DOK6: variants seen among roughly 807,000 people sequenced by gnomAD.
The protein encoded by DOK6 is downstream of tyrosine kinase 6.
DOK6 carries 22 observed loss-of-function variants against 44.0 expected under a neutral mutation model. The ratio of observed to expected loss-of-function variants is 0.50; its 90% CI spans 0.36 to 0.71. DOK6 has a LOEUF of 0.71. Among genes scored for constraint, DOK6 ranks in the 30% least tolerant of loss-of-function variants. The pLI, the probability that DOK6 is intolerant of heterozygous loss-of-function variation, is 0.00. For synonymous variants in DOK6, 166 were observed against 145.5 expected (o/e 1.14, Z -1.01); for missense variants, 340 against 416.4 (o/e 0.82, Z 1.60).
chr18:69,583,000 T>A (rs985086366), intron 2 of DOK6, among the ~76,000 whole-genome samples: 1 of 152,226 alleles, frequency 6.6e-6, no homozygotes, highest in Non-Finnish European at 1.5e-5. Context: ...TCTCATTATC[T>A]CAAACAGTGC....
At chr18:69,428,606 C>T (rs1470331655) in intron 1 of DOK6, among the ~76,000 whole-genome samples, 1 of 151,984 alleles carries the variant, frequency 6.6e-6, no homozygotes, top group East Asian at 1.9e-4. Flanking sequence ...TTATGTAGGT[C>T]AAAGAGAAAG....
rs147737908 is a variant in DOK6 at position 69,824,566 on chromosome 18, G to C, written c.857-16678G>C. 4.9e-3 allele frequency among the ~76,000 whole-genome samples: 744 copies of C among 152,200 alleles called. 10 individuals are homozygous for C. The highest frequency in any genetic ancestry group is 0.017 in the African/African-American group (716 of 41,538). On this transcript the variant is annotated intron_variant, in intron 7 of 7. Transcript: ENST00000382713. The stretch of plus-strand genomic sequence containing the variant: ...TGTAGAGATGAGGTCTCACCATGTT[G>C]CCCAGGCTGGTTTCAAACTCCTAAG...
chr18:69,495,521 G>T (rs1980858189), intron 1 of DOK6, among the ~76,000 whole-genome samples: 1 of 152,160 alleles, frequency 6.6e-6, no homozygotes, highest in Admixed American at 6.5e-5. Context: ...CTCTGGCTGA[G>T]CCTGGGGCTT....
intron 6 of DOK6, among the ~76,000 whole-genome samples, chr18:69,744,014 G>C (rs139975582): frequency 1.8e-3 from 277 of 152,244 alleles, no homozygotes; most frequent in Non-Finnish European, 2.5e-3. Flanking sequence ...GCCCTCCAGA[G>C]CTGTCAATCC....
intron 7 of DOK6, among the ~76,000 whole-genome samples, chr18:69,759,718 G>A (rs1277827651): frequency 6.6e-6 from 1 of 152,142 alleles, no homozygotes; most frequent in African/African-American, 2.4e-5. Context: ...TGATTTATAT[G>A]TTGTATAGAT....
At position 69,846,195 on chromosome 18, in the gene DOK6, A is replaced by G. The variant is rs1303559109; in HGVS notation, c.*4812A>G. ...TTGGGCACATTTCCCAGGCAGGTGG[A>G]ATGCTAGCTAGATCTAGAAGCACCC... On this transcript the variant is annotated 3_prime_UTR_variant, in exon 8 of 8. Coordinates refer to ENST00000382713, the MANE Select transcript of DOK6 (RefSeq NM_152721.6). The G allele has an allele frequency of 1.3e-5, 2 of 152,226 alleles. No individual in the cohort carries two copies. Among genetic ancestry groups the G allele is most frequent in the Non-Finnish European group, 2.9e-5 (2 of 68,048 alleles). The allele number at this position is 152,226 out of a possible 1,614,324, so 9.4% of individuals were successfully genotyped here.
At chr18:69,624,842 C>T (rs552008298) in intron 3 of DOK6, among the ~76,000 whole-genome samples, 2 of 152,116 alleles carry the variant, frequency 1.3e-5, no homozygotes, top group East Asian at 3.9e-4. Flanking sequence ...TTTTACTTTA[C>T]GCTGCAGGAG....
Position 69,564,660 on chromosome 18 carries a change from T to C in DOK6, c.174+66T>C. ...CCTTGAAGACTTGTGGAGATATTTC[T>C]TTGATAAATGAAATCTTCAGTGGCA... On this transcript the variant is annotated intron_variant, in intron 2 of 7. Transcript: ENST00000382713. 2.3e-6 allele frequency: 3 copies of C among 1,304,382 alleles called. No homozygotes were observed. The South Asian group carries it at 4.1e-5, about 18-fold the overall frequency. The allele number at this position is 1,304,382 out of a possible 1,614,324, so 80.8% of individuals were successfully genotyped here.
chr18:69,711,201 T>C (rs1986748521), intron 5 of DOK6, among the ~76,000 whole-genome samples: 1 of 152,236 alleles, frequency 6.6e-6, no homozygotes, highest in African/African-American at 2.4e-5. Flanking sequence ...CCTGAGTCCA[T>C]GATATGCTTT....
intron 1 of DOK6, among the ~76,000 whole-genome samples, chr18:69,543,842 C>G (rs1195654689): frequency 6.6e-6 from 1 of 151,310 alleles, no homozygotes; most frequent in Non-Finnish European, 1.5e-5. Flanking sequence ...CATTATAAAG[C>G]ATGTACATTT....
intron 7 of DOK6, among the ~76,000 whole-genome samples, chr18:69,821,351 AG>A (rs1264739559): frequency 2.0e-5 from 3 of 152,176 alleles, no homozygotes; most frequent in African/African-American, 7.2e-5. Context: ...TGCATCTTTT[AG>A]GTTCAGTTCA....
At chr18:69,591,756 C>T (rs11151512) in intron 2 of DOK6, among the ~76,000 whole-genome samples, 115,998 of 151,926 alleles carry the variant, frequency 0.76, 47,272 homozygotes, top group Non-Finnish European at 0.91. Flanking sequence ...CCTATGAATT[C>T]TAGGAGTAGG....
intron 2 of DOK6, among the ~76,000 whole-genome samples, chr18:69,594,827 G>T (rs549520262): frequency 3.3e-5 from 5 of 151,004 alleles, no homozygotes; most frequent in Non-Finnish European, 7.4e-5. Context: ...TGTCTCTTAC[G>T]TGAAAAAAAA....
intron 2 of DOK6, among the ~76,000 whole-genome samples, chr18:69,584,223 CAT>C (rs941889073): frequency 3.3e-5 from 5 of 151,682 alleles, no homozygotes; most frequent in Admixed American, 1.3e-4. Flanking sequence ...AATTTTTAAA[CAT>C]TTTTCATATC....
intron 7 of DOK6, among the ~76,000 whole-genome samples, chr18:69,777,696 G>C (rs1470982293): frequency 1.4e-5 from 2 of 141,720 alleles, no homozygotes; most frequent in Non-Finnish European, 3.0e-5. Flanking sequence ...TCTCTCCTCA[G>C]CCCCTACACT....
At chr18:69,544,418 G>A (rs377545317) in intron 1 of DOK6, among the ~76,000 whole-genome samples, 7 of 151,730 alleles carry the variant, frequency 4.6e-5, no homozygotes, top group African/African-American at 1.4e-4. Context: ...TTAGGAAAAC[G>A]AAGTTAAAAA....
chr18:69,593,026 T>A (rs991604299), intron 2 of DOK6, among the ~76,000 whole-genome samples: 1 of 152,118 alleles, frequency 6.6e-6, no homozygotes, highest in Non-Finnish European at 1.5e-5. Flanking sequence ...ATACATTAGA[T>A]CTTGTCCTAA....
chr18:69,599,566 A>G (rs939850873), intron 3 of DOK6, 68 bp downstream of exon 3: 10 of 1,284,464 alleles, frequency 7.8e-6, no homozygotes, highest in South Asian at 3.8e-5. Context: ...GCCCAGGCGG[A>G]TTAAGGTACA....
intron 3 of DOK6, among the ~76,000 whole-genome samples, chr18:69,672,051 G>A (rs1985810679): frequency 6.6e-6 from 1 of 152,194 alleles, no homozygotes; most frequent in Admixed American, 6.5e-5. Flanking sequence ...TGGAAATGTA[G>A]AGGAAAGGTG....
Sources: allele counts gnomAD v4.1 joint callset (sites outside exome capture counted in the v4.1 genomes callset), GRCh38; gene constraint gnomAD v4.1.1; transcripts MANE v1.5; gene names NCBI Gene and HGNC (gene_info 2026-07-23, HGNC 2026-07-21).